SLC8A1: variants seen among roughly 807,000 people sequenced by gnomAD.
SLC8A1 encodes sodium/calcium exchanger 1.
Under a neutral mutation model 68.3 loss-of-function variants are expected in SLC8A1, and 18 were observed. The ratio of observed to expected loss-of-function variants is 0.26; its 90% CI spans 0.18 to 0.39. The LOEUF (loss-of-function observed/expected upper bound fraction) is 0.39. Among genes scored for constraint, SLC8A1 ranks in the 10% least tolerant of loss-of-function variants. SLC8A1 has a pLI of 1.00. For synonymous variants in SLC8A1, 475 were observed against 415.5 expected, an observed-to-expected ratio of 1.14 and a Z score of -1.74; for missense variants, 985 against 1,156.7, an observed-to-expected ratio of 0.85 and a Z score of 2.15.
chr2:40,107,097 A>G (rs1248501330), exon 8 of SLC8A1: 1 of 152,032 alleles, frequency 6.6e-6, no homozygotes, highest in Non-Finnish European at 1.5e-5. Context: ...CAGAGGACCC[A>G]TGTGGTCAAA....
chr2:40,322,490 C>A (rs1474727628), intron 2 of SLC8A1, among the ~76,000 whole-genome samples: 1 of 125,848 alleles, frequency 7.9e-6, no homozygotes, highest in Admixed American at 8.7e-5. Context: ...GACCTCATCT[C>A]TACAAAAGGT....
chr2:40,427,505 T>C (rs1056374211), intron 2 of SLC8A1, among the ~76,000 whole-genome samples: 1 of 151,778 alleles, frequency 6.6e-6, no homozygotes, highest in Non-Finnish European at 1.5e-5. Flanking sequence ...CCTCCCTCTC[T>C]CCCTCCCTCC....
At chr2:40,396,552 C>G (rs1412074882) in intron 2 of SLC8A1, among the ~76,000 whole-genome samples, 1 of 151,832 alleles carries the variant, frequency 6.6e-6, no homozygotes, top group Non-Finnish European at 1.5e-5. Flanking sequence ...ACACGCAACA[C>G]AACACTTTTT....
At chr2:40,228,814 C>A (rs1158777856) in intron 2 of SLC8A1, among the ~76,000 whole-genome samples, 1 of 152,062 alleles carries the variant, frequency 6.6e-6, no homozygotes, top group Non-Finnish European at 1.5e-5. Context: ...GGTGAGGTGT[C>A]AGGGGTGGAG....
intron 1 of SLC8A1, among the ~76,000 whole-genome samples, chr2:40,460,085 C>T (rs907890161): frequency 5.6e-4 from 86 of 152,252 alleles, no homozygotes; most frequent in African/African-American, 1.9e-3. Flanking sequence ...TACTTGGAGA[C>T]TCAGGGCCTA....
chr2:40,164,800 A>G, intron 5 of SLC8A1, 54 bp downstream of exon 8: 1 of 1,603,518 alleles, frequency 6.2e-7, no homozygotes, highest in Non-Finnish European at 8.5e-7. Context: ...CCCTATGAAC[A>G]GTTTCTGTCC....
At chr2:40,468,064 A>C (rs1390043574) in intron 1 of SLC8A1, among the ~76,000 whole-genome samples, 1 of 152,106 alleles carries the variant, frequency 6.6e-6, no homozygotes, top group Non-Finnish European at 1.5e-5. Context: ...ATGATATAAA[A>C]TCTGTGTTTA....
intron 2 of SLC8A1, among the ~76,000 whole-genome samples, chr2:40,295,152 T>C (rs1328572683): frequency 1.3e-5 from 2 of 152,078 alleles, no homozygotes; most frequent in East Asian, 1.9e-4. Flanking sequence ...CAGGCTAGAG[T>C]GCAGTGGTGC....
At chr2:40,422,601 C>A (rs928441986) in intron 2 of SLC8A1, among the ~76,000 whole-genome samples, 3 of 152,048 alleles carry the variant, frequency 2.0e-5, no homozygotes, top group Admixed American at 1.3e-4. Context: ...GGTGACAGAG[C>A]AATAACTCTT....
chr2:40,315,524 G>A (rs1372823068), intron 2 of SLC8A1, among the ~76,000 whole-genome samples: 1 of 150,202 alleles, frequency 6.7e-6, no homozygotes, highest in East Asian at 2.0e-4. Context: ...AACTGGGTTA[G>A]TATTGAACTA....
At chr2:40,146,860 T>A (rs1338641408) in intron 6 of SLC8A1, among the ~76,000 whole-genome samples, 1 of 152,192 alleles carries the variant, frequency 6.6e-6, no homozygotes, top group Non-Finnish European at 1.5e-5. Context: ...TGGGCCATAC[T>A]GTCCCACGGG....
chr2:40,225,962 G>T (rs151134872), intron 2 of SLC8A1, among the ~76,000 whole-genome samples: 1 of 152,272 alleles, frequency 6.6e-6, no homozygotes, highest in African/African-American at 2.4e-5. Context: ...CATAATTGGT[G>T]AGCTCCACTA....
chr2:40,126,184 C>G (rs1427824207), intron 7 of SLC8A1, among the ~76,000 whole-genome samples: 6 of 152,134 alleles, frequency 3.9e-5, no homozygotes, highest in African/African-American at 7.2e-5. Context: ...ACTCCATGCT[C>G]TGAACATGAT....
chr2:40,462,714 G>T (rs1000302353), intron 1 of SLC8A1, among the ~76,000 whole-genome samples: 1 of 151,840 alleles, frequency 6.6e-6, no homozygotes, highest in Admixed American at 6.6e-5. Flanking sequence ...AGGCTGAGGT[G>T]GGAGGATTGC....
At chr2:40,327,089 G>C (rs1325564168) in intron 2 of SLC8A1, among the ~76,000 whole-genome samples, 2 of 152,118 alleles carry the variant, frequency 1.3e-5, no homozygotes, top group African/African-American at 4.8e-5. Context: ...TTCTACTACT[G>C]TCTTAAATTA....
upstream of SLC8A1, among the ~76,000 whole-genome samples, chr2:40,454,373 A>G (rs2149886408): frequency 6.6e-6 from 1 of 152,040 alleles, no homozygotes; most frequent in African/African-American, 2.4e-5. Context: ...CCGCTTAGTG[A>G]AAGCTGAGAT....
At chr2:40,416,303 G>A (rs1693858138) in intron 2 of SLC8A1, among the ~76,000 whole-genome samples, 1 of 152,068 alleles carries the variant, frequency 6.6e-6, no homozygotes, top group Non-Finnish European at 1.5e-5. Context: ...CATTTTAGTA[G>A]ATCATCCATT....
exon 8 of SLC8A1, chr2:40,106,665 A>G (rs986096618): frequency 2.6e-5 from 4 of 152,222 alleles, no homozygotes; most frequent in Non-Finnish European, 5.9e-5. Flanking sequence ...TGAAACTTCA[A>G]AGACAATATT....
intron 7 of SLC8A1, among the ~76,000 whole-genome samples, chr2:40,121,752 C>A (rs2036874423): frequency 1.3e-5 from 2 of 152,124 alleles, no homozygotes; most frequent in Non-Finnish European, 2.9e-5. Context: ...CCCAGAGAAT[C>A]CATACATGGT....
Sources: allele counts gnomAD v4.1 joint callset (sites outside exome capture counted in the v4.1 genomes callset), GRCh38; gene constraint gnomAD v4.1.1; transcripts MANE v1.5; gene names NCBI Gene and HGNC (gene_info 2026-07-23, HGNC 2026-07-21).